ADAM33: variants seen among roughly 807,000 people sequenced by gnomAD.
ADAM33 encodes disintegrin and metalloproteinase domain-containing protein 33.
ADAM33 carries 103 observed loss-of-function variants against 106.2 expected under a neutral mutation model. That is an observed-to-expected ratio of 0.97 (90% CI 0.83 to 1.14). ADAM33 has a LOEUF of 1.14. Ranked by LOEUF, ADAM33 falls within the 50% of genes most tolerant of loss-of-function variation. The pLI is 0.00. For missense variants in ADAM33, 1,120 were observed against 1,096.6 expected, an observed-to-expected ratio of 1.02 and a Z score of -0.30; for synonymous variants, 483 against 453.0, an observed-to-expected ratio of 1.07 and a Z score of -0.84.
chr20:3,678,856 T>C (rs942917282), intron 2 of ADAM33, among the ~76,000 whole-genome samples: 5 of 152,196 alleles, frequency 3.3e-5, no homozygotes, highest in African/African-American at 1.2e-4. Context: ...ACAGATATTA[T>C]GGCACAAACA....
chr20:3,671,045 C>T lies in ADAM33; in HGVS notation c.2201G>A (p.Arg734Gln), dbSNP rs762797694. 33 of 1,560,438 alleles carry T rather than the reference C, an allele frequency of 2.1e-5. No homozygotes were observed. The highest frequency in any genetic ancestry group is 5.4e-5 in the African/African-American group (4 of 73,650). Residue 734 changes from arginine (R) to glutamine (Q), a missense_variant, in exon 19 of 22, where the codon CGA (arginine) becomes CAA (glutamine). Physicochemically the swap from Arg to Gln is conservative, Grantham distance 43. Coordinates refer to ENST00000356518, the MANE Select transcript of ADAM33 (RefSeq NM_025220.5). ...CYRLPGAHLQ[R>Q]CSWGCRRDPA... Reference sequence around the variant, plus strand: ...GTCCCTTCTGCAGCCCCAGCTGCATCGCTGCAGATGGGCTCCTGGGAGTCG... The same window carrying T: ...GTCCCTTCTGCAGCCCCAGCTGCATTGCTGCAGATGGGCTCCTGGGAGTCG...
In ADAM33 at chr20:3,672,557, C is replaced by A. The variant is rs1486082509; in HGVS notation, c.1381G>T (p.Asp461Tyr). ...LRPGAQCAHGDCCVRCLLKPA... is the reference protein window; with the variant it reads ...LRPGAQCAHGYCCVRCLLKPA... ...CTCACCAGGCAGCGCACGCAGCAGTCCCCGTGGGCGCACTGGGCCCCCGGG... is the reference window on the plus strand; with the variant it reads ...CTCACCAGGCAGCGCACGCAGCAGTACCCGTGGGCGCACTGGGCCCCCGGG... Residue 461 changes from aspartate (D) to tyrosine (Y), a missense_variant, in exon 13 of 22, where the codon GAC (aspartate) becomes TAC (tyrosine). Physicochemically the swap from Asp to Tyr is radical, Grantham distance 160. Coordinates refer to ENST00000356518, the MANE Select transcript of ADAM33 (RefSeq NM_025220.5). 2 of 1,613,362 alleles carry A rather than the reference C, an allele frequency of 1.2e-6. No homozygotes were observed. Among genetic ancestry groups the A allele is most frequent in the African/African-American group, 1.3e-5 (1 of 74,940 alleles).
In ADAM33 at chr20:3,673,849, G is replaced by T; in HGVS notation, c.801C>A (p.Asp267Glu). Reference protein sequence around the residue: ...LTGLEVWTERDRSRVTQDANA... With the variant: ...LTGLEVWTERERSRVTQDANA... ...TGGCGTCCTGCGTGACGCGGCTGCG[G>T]TCCCGCTCGGTCCACACCTCCAGGC... Residue 267 changes from aspartate (D) to glutamate (E), a missense_variant, in exon 9 of 22, where the codon GAC becomes GAA. By Grantham distance (45) the Asp-to-Glu change is conservative. Transcript: ENST00000356518. 1 of 1,566,074 alleles carries T rather than the reference G, an allele frequency of 6.4e-7. No homozygotes were observed.
In ADAM33 at chr20:3,672,879, A is replaced by T. The variant is rs2087641959; in HGVS notation, c.1153T>A (p.Phe385Ile). 1 of 1,575,544 alleles carries T rather than the reference A, an allele frequency of 6.3e-7. No individual in the cohort carries two copies. Among genetic ancestry groups the T allele is most frequent in the African/African-American group, 1.4e-5 (1 of 73,754 alleles). Residue 385 changes from phenylalanine to isoleucine, a missense_variant, in exon 12 of 22, where the codon TTC becomes ATC. Physicochemically the swap from Phe to Ile is conservative, Grantham distance 21. Coordinates refer to ENST00000356518, the MANE Select transcript of ADAM33 (RefSeq NM_025220.5). The part of the protein sequence containing the change: ...AATGHPFPRV[F>I]SACSRRQLRA... ...AGCTGGCGGCGGCTGCAGGCGCTGA[A>T]CACGCGCGGAAACGGGTGCCTACCG...
At chr20:3,673,965 T>C in intron 8 of ADAM33, 54 bp from the exon 9 acceptor site, 3 of 1,590,074 alleles carry the variant, frequency 1.9e-6, no homozygotes, top group Non-Finnish European at 1.7e-6. Context: ...GCGCCGGTGG[T>C]CCTTCGTGGG....
intron 3 of ADAM33, among the ~76,000 whole-genome samples, chr20:3,676,418 CT>C (rs373160767): frequency 0.052 from 7,597 of 147,050 alleles, 214 homozygotes; most frequent in Non-Finnish European, 0.07. Context: ...TCTTTTCTTT[CT>C]TTTTTTTTTT....
chr20:3,673,589 C>A lies in ADAM33; in HGVS notation c.975G>T (p.Ser325=). Residue 325 remains serine, a synonymous_variant, in exon 10 of 22, where the codon TCG becomes TCT. Transcript: ENST00000356518. ...CGGGGCTCACCGTGCTCACGCCTCC[C>A]GAGCTCTCGGCGCGGCACATGCCCT... is the stretch of plus-strand genomic sequence containing the variant. ...PVEGMCRAES[S]GGVSTDHSEL... 1 of 1,376,242 alleles carries A rather than the reference C, an allele frequency of 7.3e-7. No individual in the cohort carries two copies. Among genetic ancestry groups the A allele is most frequent in the South Asian group, 1.7e-5 (1 of 58,900 alleles). The allele number at this position is 1,376,242 out of a possible 1,614,324, so 85.3% of individuals were successfully genotyped here. A position where few individuals can be genotyped will look rare whatever the true frequency, so the allele number is the denominator to read the frequency against.
At chr20:3,672,048 T>C in intron 14 of ADAM33, 63 bp from the exon 15 acceptor site, 1 of 1,561,194 alleles carries the variant, frequency 6.4e-7, no homozygotes, top group Non-Finnish European at 8.7e-7. Context: ...CGGGCCTCAG[T>C]TTCCCCTGCC....
At chr20:3,673,710 C>A (rs2087730246) in intron 9 of ADAM33, 35 bp downstream of exon 9, 11 of 1,376,952 alleles carry the variant, frequency 8.0e-6, no homozygotes, top group Non-Finnish European at 9.3e-6. Context: ...GAGGCCGCCC[C>A]ACCCGGGACC....
At chr20:3,680,920 AG>A (rs1412576984) in intron 1 of ADAM33, among the ~76,000 whole-genome samples, 1 of 152,108 alleles carries the variant, frequency 6.6e-6, no homozygotes, top group Non-Finnish European at 1.5e-5. Context: ...GTGGAACCCG[AG>A]GGAGCCAGGC....
chr20:3,675,351 G>A lies in ADAM33; in HGVS notation c.255-246C>T, dbSNP rs1049962636. Among the ~76,000 whole-genome samples the A allele has an allele frequency of 2.6e-5, 4 of 152,278 alleles. No homozygotes were observed. Among genetic ancestry groups the A allele is most frequent in the African/African-American group, 9.6e-5 (4 of 41,544 alleles). ...GAATATGGGAAGCACCAGGGAGGACGCCGGGGAGGAGTGGGAATAGGGGAA... is the reference window on the plus strand; with the variant it reads ...GAATATGGGAAGCACCAGGGAGGACACCGGGGAGGAGTGGGAATAGGGGAA... On this transcript the variant is annotated intron_variant, in intron 3 of 21. Transcript: ENST00000356518. This position sits in a 1 kb window ranked among gnomAD's most constrained non-coding sequence, Gnocchi z 4.1.
Position 3,675,184 on chromosome 20 carries a change from A to G in ADAM33, c.255-79T>C, listed in dbSNP as rs1177952876. 2 of 1,113,144 alleles carry G rather than the reference A, an allele frequency of 1.8e-6. No individual in the cohort carries two copies. The highest frequency in any genetic ancestry group is 2.7e-6 in the Non-Finnish European group (2 of 752,270). 69.0% of individuals were successfully genotyped at this position (1,113,144 alleles called of 1,614,324 possible). On this transcript the variant is annotated intron_variant, in intron 3 of 21. Transcript: ENST00000356518. The surrounding 1 kb of genome is among the most constrained non-coding windows in gnomAD (Gnocchi z 4.1). The stretch of plus-strand genomic sequence containing the variant: ...AGGATGTCTCCCAGCCTTCCTCCCT[A>G]AATGCTAATGGAGCAGCTTTATGAG...
chr20:3,671,743 T>C lies in ADAM33; in HGVS notation c.1743A>G (p.Gly581=), dbSNP rs1423652403. The part of the protein sequence containing the change: ...ALCGKLQCQG[G]KPSLLAPHMV... Reference sequence around the variant, plus strand: ...TGTGCGGTGCGAGCAGGCTGGGCTTTCCACCCTGGCACTGCAGCTTCCCAC... The same window carrying C: ...TGTGCGGTGCGAGCAGGCTGGGCTTCCCACCCTGGCACTGCAGCTTCCCAC... Residue 581 remains glycine (G), a synonymous_variant, in exon 16 of 22, where the codon GGA becomes GGG. Coordinates refer to ENST00000356518, the MANE Select transcript of ADAM33 (RefSeq NM_025220.5). The C allele has an allele frequency of 1.5e-5, 24 of 1,578,316 alleles. No individual in the cohort carries two copies. Among genetic ancestry groups the C allele is most frequent in the Non-Finnish European group, 1.8e-5 (21 of 1,161,744 alleles).
chr20:3,672,327 C>T lies in ADAM33; in HGVS notation c.1404G>A (p.Leu468=), dbSNP rs868398896. Residue 468 remains leucine, a splice_region_variant and synonymous_variant, in exon 14 of 22, where the codon CTG becomes CTA. Coordinates refer to ENST00000356518, the MANE Select transcript of ADAM33 (RefSeq NM_025220.5). ...GGCGGCACAGCGCTCCAGCCGGCTT[C>T]AGCTGCGCAGGTGACGGGTGGTGGG... is the stretch of plus-strand genomic sequence containing the variant. ...AHGDCCVRCL[L]KPAGALCRQA... 8.7e-6 allele frequency: 14 copies of T among 1,611,224 alleles called. No homozygotes were observed. The Middle Eastern group carries it at 2.3e-3, about 267-fold the overall frequency.
At chr20:3,672,480 A>T in intron 13 of ADAM33, 57 bp downstream of exon 13, 3 of 1,595,726 alleles carry the variant, frequency 1.9e-6, no homozygotes, top group Non-Finnish European at 2.6e-6. Context: ...AACTAAGGCC[A>T]ACAGGCCGGC....
chr20:3,669,313 G>A lies in ADAM33; in HGVS notation c.2390C>T (p.Ser797Leu), dbSNP rs138402681. The A allele has an allele frequency of 1.4e-5, 22 of 1,596,598 alleles. No individual in the cohort carries two copies. The highest frequency in any genetic ancestry group is 9.5e-5 in the African/African-American group (7 of 73,774). ...TCCCTGCCTACCTTGGGGGTCAGGC[G>A]AGACTGCTGGCAGAGGCTTCTCAGG... Reference protein sequence around the residue: ...SHPEKPLPAVSPDPQADQVQM... With the variant: ...SHPEKPLPAVLPDPQADQVQM... The change falls in exon 21 of 22, where the codon TCG becomes TTG. Residue 797 changes from serine (S) to leucine (L), a missense_variant. By Grantham distance (145) the Ser-to-Leu change is moderately radical. Coordinates refer to ENST00000356518, the MANE Select transcript of ADAM33 (RefSeq NM_025220.5).
In ADAM33 at chr20:3,668,981, T is replaced by G; in HGVS notation, c.2424A>C (p.Pro808=). The G allele has an allele frequency of 6.2e-7, 1 of 1,613,060 alleles. No individual in the cohort carries two copies. Among genetic ancestry groups the G allele is most frequent in the Non-Finnish European group, 8.5e-7 (1 of 1,179,850 alleles). ...CTACCTCTCACCAGAGGCAGGATCT[T>G]GGCATCTGGACTTGATCTGCTGAGA... ...PDPQADQVQM[P]RSCLW The change falls in exon 22 of 22, where the codon CCA becomes CCC. Residue 808 remains proline, a synonymous_variant. Transcript: ENST00000356518.
At chr20:3,677,351 GACA>G (rs1313660366) in intron 2 of ADAM33, among the ~76,000 whole-genome samples, 1 of 152,206 alleles carries the variant, frequency 6.6e-6, no homozygotes, top group Non-Finnish European at 1.5e-5. Context: ...TTGCAGTCCT[GACA>G]ACAGCCACTT....
In ADAM33 at chr20:3,673,674, G is replaced by A; in HGVS notation, c.906-16C>T. 2 of 1,347,906 alleles carry A rather than the reference G, an allele frequency of 1.5e-6. No homozygotes were observed. The highest frequency in any genetic ancestry group is 1.9e-6 in the Non-Finnish European group (2 of 1,056,872). The allele number at this position is 1,347,906 out of a possible 1,614,324, so 83.5% of individuals were successfully genotyped here. ...GGCGCGGCCCCTGGGGGCGGAGCGC[G>A]GCGTGACCAGGCGGGGCCGGGAGGT... On this transcript the variant is annotated splice_polypyrimidine_tract_variant and intron_variant, in intron 9 of 21. Coordinates refer to ENST00000356518, the MANE Select transcript of ADAM33 (RefSeq NM_025220.5).
Sources: gnomAD v4.1 joint callset for allele counts (sites outside exome capture counted in the v4.1 genomes callset) on GRCh38, gnomAD v4.1.1 for gene constraint, Gnocchi (gnomAD v3.1) non-coding constraint, MANE v1.5 for transcripts, NCBI Gene and HGNC (gene_info 2026-07-23, HGNC 2026-07-21) for gene names.